HARBI1: variants seen among roughly 807,000 people sequenced by gnomAD.
HARBI1 encodes the protein putative nuclease HARBI1.
HARBI1 carries 15 observed loss-of-function variants against 25.3 expected under a neutral mutation model. That is an observed-to-expected ratio of 0.59 (90% CI 0.40 to 0.91). The LOEUF (loss-of-function observed/expected upper bound fraction) is 0.91, where lower values mean the gene tolerates loss of function less well. Among genes scored for constraint, HARBI1 ranks in the 40% least tolerant of loss-of-function variants. The pLI is 0.00. For missense variants in HARBI1, 396 were observed against 445.8 expected, an observed-to-expected ratio of 0.89 and a Z score of 1.01; for synonymous variants, 168 against 160.5, an observed-to-expected ratio of 1.05 and a Z score of -0.35.
In HARBI1 at chr11:46,615,628, GC is replaced by G; in HGVS notation, c.609del (p.Gln204SerfsTer32). The G allele has an allele frequency of 6.2e-7, 1 of 1,614,200 alleles. No individual in the cohort carries two copies. Among genetic ancestry groups the G allele is most frequent in the Non-Finnish European group, 8.5e-7 (1 of 1,180,042 alleles). Reference protein sequence around the residue: ...WPGSLQDCAVLQQSSLSSQFE... With the variant: ...WPGSLQDCAVXQQSSLSSQFE... ...AACTGACTACTGAGGGAAGACTGCT[GC>G]AGCACAGCACAGTCCTGTAGGCTGC... On this transcript the variant is annotated frameshift_variant, in exon 2 of 3. Coordinates refer to ENST00000326737, the MANE Select transcript of HARBI1 (RefSeq NM_173811.4). LOFTEE classifies it high-confidence loss of function.
chr11:46,607,819 T>A (rs184415160), intron 2 of HARBI1, among the ~76,000 whole-genome samples: 19 of 149,412 alleles, frequency 1.3e-4, no homozygotes, highest in Admixed American at 8.2e-4. Context: ...TTTGCAGGAA[T>A]AGGTATATTT....
At chr11:46,613,763 G>A (rs112213597) in intron 2 of HARBI1, among the ~76,000 whole-genome samples, 3,387 of 152,064 alleles carry the variant, frequency 0.022, 124 homozygotes, top group African/African-American at 0.077. Context: ...GATTACAGTC[G>A]TGAGCTACCG....
In HARBI1 at chr11:46,616,375, C is replaced by G; in HGVS notation, c.-138G>C. 6.9e-7 allele frequency: 1 copy of G among 1,448,890 alleles called. No homozygotes were observed. Among genetic ancestry groups the G allele is most frequent in the Non-Finnish European group, 9.0e-7 (1 of 1,108,804 alleles). The allele number at this position is 1,448,890 out of a possible 1,614,324, so 89.8% of individuals were successfully genotyped here. On this transcript the variant is annotated 5_prime_UTR_variant, in exon 2 of 3. Transcript: ENST00000326737. The stretch of plus-strand genomic sequence containing the variant: ...GTTAAATGGCTCTGCCATTTATAAT[C>G]TTCTCTCTGTAAATGTTAAAAGAAA...
At chr11:46,614,795 T>A (rs949711652) in intron 2 of HARBI1, among the ~76,000 whole-genome samples, 4 of 152,212 alleles carry the variant, frequency 2.6e-5, no homozygotes, top group Admixed American at 1.3e-4. Context: ...CTATTAAATG[T>A]TGATTTTTTA....
intron 1 of HARBI1, chr11:46,616,668 G>T (rs555415850): frequency 2.9e-5 from 29 of 999,740 alleles, no homozygotes; most frequent in Non-Finnish European, 3.3e-5. Flanking sequence ...GGTAAAAGAG[G>T]TCGGCTTCTA....
Position 46,616,231 on chromosome 11 carries a change from T to C in HARBI1, c.7A>G (p.Ile3Val). 1.2e-6 allele frequency: 2 copies of C among 1,602,916 alleles called. No homozygotes were observed. Among genetic ancestry groups the C allele is most frequent in the Non-Finnish European group, 1.7e-6 (2 of 1,176,212 alleles). The change falls in exon 2 of 3, where the codon ATA becomes GTA. Residue 3 changes from isoleucine (I) to valine (V), a missense_variant. Coordinates refer to ENST00000326737, the MANE Select transcript of HARBI1 (RefSeq NM_173811.4). The stretch of plus-strand genomic sequence containing the variant: ...TCACAGTCAAGCACTGTTATTGGTA[T>C]AGCCATGGTAAATGTGAATGTTGGC... The part of the protein sequence containing the change: MA[I>V]PITVLDCDLL...
chr11:46,613,771 C>A (rs998386273), intron 2 of HARBI1, among the ~76,000 whole-genome samples: 1 of 152,110 alleles, frequency 6.6e-6, no homozygotes, highest in Non-Finnish European at 1.5e-5. Flanking sequence ...TCGTGAGCTA[C>A]CGCACCCAGC....
intron 2 of HARBI1, among the ~76,000 whole-genome samples, chr11:46,605,983 T>G (rs1209287474): frequency 6.6e-6 from 1 of 151,538 alleles, no homozygotes; most frequent in African/African-American, 2.4e-5. Flanking sequence ...CCTCACAGTT[T>G]CAAGCAATTC....
chr11:46,606,352 G>A (rs747113944), intron 2 of HARBI1, among the ~76,000 whole-genome samples: 4 of 150,658 alleles, frequency 2.7e-5, no homozygotes, highest in Non-Finnish European at 5.9e-5. Flanking sequence ...TCACTCTGTC[G>A]CCCAGGCTGG....
chr11:46,611,999 G>A (rs942514430), intron 2 of HARBI1, among the ~76,000 whole-genome samples: 1 of 151,690 alleles, frequency 6.6e-6, no homozygotes, highest in South Asian at 2.1e-4. Context: ...GATATTACAC[G>A]TGGTACCCTG....
chr11:46,614,157 G>T (rs2045291348), intron 2 of HARBI1, among the ~76,000 whole-genome samples: 1 of 151,318 alleles, frequency 6.6e-6, no homozygotes, highest in Admixed American at 6.6e-5. Context: ...GCTGGGCATG[G>T]TGGCTCACGC....
chr11:46,612,899 T>A (rs2045237124), intron 2 of HARBI1, among the ~76,000 whole-genome samples: 1 of 149,882 alleles, frequency 6.7e-6, no homozygotes, highest in African/African-American at 2.5e-5. Flanking sequence ...CTTGAACTCC[T>A]GACATCAGGT....
At chr11:46,611,508 C>A (rs772903115) in intron 2 of HARBI1, among the ~76,000 whole-genome samples, 6 of 151,888 alleles carry the variant, frequency 4.0e-5, no homozygotes, top group Non-Finnish European at 8.8e-5. Context: ...CCTAGGGGTT[C>A]GAGACCAGCC....
chr11:46,615,504 C>T (rs1209666698), intron 2 of HARBI1, 64 bp downstream of exon 2: 1 of 1,401,586 alleles, frequency 7.1e-7, no homozygotes, highest in Non-Finnish European at 1.0e-6. Flanking sequence ...TGAGCCACCG[C>T]CCCCAGCCTA....
intron 2 of HARBI1, among the ~76,000 whole-genome samples, chr11:46,614,483 C>A (rs1025552688): frequency 1.3e-5 from 2 of 151,928 alleles, no homozygotes; most frequent in Non-Finnish European, 2.9e-5. Flanking sequence ...CAGCCATATT[C>A]CCAGAGCTTT....
At chr11:46,610,175 C>T (rs2045118664) in intron 2 of HARBI1, among the ~76,000 whole-genome samples, 2 of 151,510 alleles carry the variant, frequency 1.3e-5, no homozygotes, top group African/African-American at 2.4e-5. Flanking sequence ...ACAAAATTAG[C>T]CAGGCATGAT....
At chr11:46,608,571 A>T (rs918104732) in intron 2 of HARBI1, among the ~76,000 whole-genome samples, 1 of 151,942 alleles carries the variant, frequency 6.6e-6, no homozygotes, top group African/African-American at 2.4e-5. Context: ...CAGCCTCCTG[A>T]GTAAGCTGGG....
At chr11:46,610,553 C>T (rs541696488) in intron 2 of HARBI1, among the ~76,000 whole-genome samples, 222 of 151,702 alleles carry the variant, frequency 1.5e-3, no homozygotes, top group Non-Finnish European at 2.0e-3. Context: ...CCAGCTACTC[C>T]GGAGGCTGAG....
chr11:46,604,010 A>G, intron 2 of HARBI1, 101 bp from the exon 3 acceptor site: 2 of 1,449,452 alleles, frequency 1.4e-6, no homozygotes, highest in Non-Finnish European at 1.8e-6. Context: ...AGAAAATACA[A>G]CAGCCTCTGG....
Sources: gnomAD v4.1 joint callset for allele counts (sites outside exome capture counted in the v4.1 genomes callset) on GRCh38, gnomAD v4.1.1 for gene constraint, MANE v1.5 for transcripts, NCBI Gene and HGNC (gene_info 2026-07-23, HGNC 2026-07-21) for gene names.